Variants in PPP3CA observed in about 807,000 individuals in gnomAD.
The protein encoded by PPP3CA is CAM-PRP catalytic subunit.
In PPP3CA, 14 loss-of-function variants were observed where a neutral mutation model predicts 66.5. That is an observed-to-expected ratio of 0.21 (90% CI 0.14 to 0.33). The LOEUF (loss-of-function observed/expected upper bound fraction) is 0.33, where lower values mean the gene tolerates loss of function less well. Ranked by LOEUF, PPP3CA falls within the 10% of genes least tolerant of loss-of-function variation. The pLI is 1.00. For synonymous variants in PPP3CA, 232 were observed against 226.2 expected (o/e 1.03, Z -0.23); for missense variants, 317 against 639.5 (o/e 0.50, Z 5.44).
At chr4:101,332,169 C>T (rs543392786) in intron 1 of PPP3CA, among the ~76,000 whole-genome samples, 54 of 152,270 alleles carry the variant, frequency 3.5e-4, no homozygotes, top group African/African-American at 1.2e-3. Context: ...ACTGTATTTT[C>T]ACCATACCCA....
intron 1 of PPP3CA, among the ~76,000 whole-genome samples, chr4:101,242,639 T>C (rs1219828233): frequency 6.6e-6 from 1 of 152,090 alleles, no homozygotes; most frequent in Non-Finnish European, 1.5e-5. Flanking sequence ...TATGTTACAT[T>C]AAGAAATCTG....
intron 1 of PPP3CA, among the ~76,000 whole-genome samples, chr4:101,313,008 T>C (rs1326222731): frequency 6.6e-6 from 1 of 152,214 alleles, no homozygotes; most frequent in East Asian, 1.9e-4. Flanking sequence ...ATCTTATTTC[T>C]TCTTTCCTTC....
intron 2 of PPP3CA, among the ~76,000 whole-genome samples, chr4:101,182,509 C>T (rs964305816): frequency 2.3e-4 from 35 of 151,996 alleles, no homozygotes; most frequent in African/African-American, 8.5e-4. Context: ...GAAGGCATAC[C>T]TCAGATAGAT....
At chr4:101,257,137 T>A (rs1313471327) in intron 1 of PPP3CA, among the ~76,000 whole-genome samples, 2 of 152,030 alleles carry the variant, frequency 1.3e-5, no homozygotes, top group Non-Finnish European at 2.9e-5. Context: ...CAAGTTAATT[T>A]TCCATGTTAA....
chr4:101,192,972 T>C (rs1442984972), intron 2 of PPP3CA, among the ~76,000 whole-genome samples: 1 of 152,218 alleles, frequency 6.6e-6, no homozygotes, highest in Non-Finnish European at 1.5e-5. Context: ...AATGTAATAA[T>C]CAAGGAGCAC....
chr4:101,317,253 A>AACACACACACACACACACACACAC (rs3840161), intron 1 of PPP3CA, among the ~76,000 whole-genome samples: 260 of 145,392 alleles, frequency 1.8e-3, no homozygotes, highest in African/African-American at 6.4e-3. Context: ...CGGTACTCCC[A>AACACACACACACACACACACACAC]ACACACACAC....
chr4:101,129,723 ACAGAAACTC>A (rs1245197132), intron 2 of PPP3CA, among the ~76,000 whole-genome samples: 2 of 152,214 alleles, frequency 1.3e-5, no homozygotes. Flanking sequence ...CAATGTCCAC[ACAGAAACTC>A]CATCTGAAGG....
chr4:101,280,438 T>C (rs1727642948), intron 1 of PPP3CA, among the ~76,000 whole-genome samples: 1 of 152,124 alleles, frequency 6.6e-6, no homozygotes, highest in Non-Finnish European at 1.5e-5. Flanking sequence ...GTGGACAAGT[T>C]AATTTAGACA....
intron 11 of PPP3CA, among the ~76,000 whole-genome samples, chr4:101,037,385 T>A (rs2110209033): frequency 6.6e-6 from 1 of 152,372 alleles, no homozygotes; most frequent in East Asian, 1.9e-4. Context: ...AGTTTTCTGG[T>A]TCCCTTATAA....
chr4:101,045,641 A>G (rs1727731361), intron 10 of PPP3CA, among the ~76,000 whole-genome samples: 1 of 152,226 alleles, frequency 6.6e-6, no homozygotes, highest in African/African-American at 2.4e-5. Context: ...ATGTGAATGA[A>G]GTTTGAGTAA....
chr4:101,219,546 A>G (rs1186014770), intron 1 of PPP3CA, among the ~76,000 whole-genome samples: 1 of 151,896 alleles, frequency 6.6e-6, no homozygotes, highest in East Asian at 1.9e-4. Context: ...AGCCTACAAG[A>G]AAATGTCACT....
chr4:101,320,195 A>AT (rs879658228), intron 1 of PPP3CA, among the ~76,000 whole-genome samples: 34 of 149,312 alleles, frequency 2.3e-4, no homozygotes, highest in South Asian at 4.3e-4. Flanking sequence ...TCTGTAGTGA[A>AT]TTTTTTTTTT....
intron 10 of PPP3CA, among the ~76,000 whole-genome samples, chr4:101,048,403 T>C (rs962775485): frequency 2.7e-5 from 4 of 150,406 alleles, no homozygotes; most frequent in African/African-American, 9.8e-5. Context: ...TTGACAGCTA[T>C]TGGAAGAACT....
At chr4:101,071,228 C>G (rs1238591293) in intron 8 of PPP3CA, among the ~76,000 whole-genome samples, 7 of 152,296 alleles carry the variant, frequency 4.6e-5, no homozygotes, top group Non-Finnish European at 8.8e-5. Context: ...TTTTCAACTT[C>G]AAGCTTGGAC....
At chr4:101,211,640 T>G (rs1398881780) in intron 1 of PPP3CA, among the ~76,000 whole-genome samples, 1 of 152,130 alleles carries the variant, frequency 6.6e-6, no homozygotes, top group Admixed American at 6.6e-5. Flanking sequence ...GATAAATGAG[T>G]CCCTCAAAGT....
chr4:101,263,101 C>A (rs1437535806), intron 1 of PPP3CA, among the ~76,000 whole-genome samples: 1 of 152,176 alleles, frequency 6.6e-6, no homozygotes, highest in Non-Finnish European at 1.5e-5. Flanking sequence ...AATCCCCTAT[C>A]CTTGAGAGAT....
Position 101,037,793 on chromosome 4 carries a change from C to A in PPP3CA, c.1241+2689G>T, listed in dbSNP as rs113412035. ...GTTTTAACATGCTATTCAAAACACT[C>A]AAGGATATGGACTTCAGTATATTTT... On this transcript the variant is annotated intron_variant, in intron 11 of 13. Transcript: ENST00000394854. Among the ~76,000 whole-genome samples, 1,045 of 152,278 alleles carry A rather than the reference C, an allele frequency of 6.9e-3. 8 individuals are homozygous for A. The highest frequency in any genetic ancestry group is 0.036 in the South Asian group (175 of 4,816).
chr4:101,062,549 C>T (rs1728511639), intron 9 of PPP3CA, among the ~76,000 whole-genome samples: 2 of 151,858 alleles, frequency 1.3e-5, no homozygotes, highest in African/African-American at 4.8e-5. Flanking sequence ...GTTAGGCCTC[C>T]TGAATGAAAA....
intron 1 of PPP3CA, among the ~76,000 whole-genome samples, chr4:101,199,131 T>G (rs1160407681): frequency 2.0e-5 from 3 of 152,196 alleles, no homozygotes; most frequent in African/African-American, 7.2e-5. Flanking sequence ...TTTGGCTTCA[T>G]AAAAAGCATA....
Sources: gnomAD v4.1 joint callset for allele counts (sites outside exome capture counted in the v4.1 genomes callset) on GRCh38, gnomAD v4.1.1 for gene constraint, MANE v1.5 for transcripts, NCBI Gene and HGNC (gene_info 2026-07-23, HGNC 2026-07-21) for gene names.